Variants in FNDC3B observed in about 807,000 individuals in gnomAD.
FNDC3B encodes the protein fibronectin type III domain containing 3B.
Under a neutral mutation model 151.5 loss-of-function variants are expected in FNDC3B, and 12 were observed. That is an observed-to-expected ratio of 0.08 (90% confidence interval 0.05 to 0.13). The LOEUF (loss-of-function observed/expected upper bound fraction) is 0.13, where lower values mean the gene tolerates loss of function less well. Among genes scored for constraint, FNDC3B ranks in the 10% least tolerant of loss-of-function variants. FNDC3B has a pLI of 1.00. For synonymous variants in FNDC3B, 528 were observed against 549.0 expected (o/e 0.96, Z 0.54); for missense variants, 1,214 against 1,505.3 (o/e 0.81, Z 3.20).
chr3:172,378,428 C>T lies in FNDC3B; in HGVS notation c.3167C>T (p.Thr1056Ile). ...TFSTTKSVPP[T>I]IKAPRVTQLE... ...AGCACAACCAAAAGTGTCCCCCCCA[C>T]CATCAAAGGTGTGTAGACTATGTAT... Residue 1056 changes from threonine (T) to isoleucine (I), a missense_variant, in exon 24 of 26, where the codon ACC (threonine) becomes ATC (isoleucine). By Grantham distance (89) the Thr-to-Ile change is moderately conservative. This residue lies in a region of FNDC3B where 284 missense variants were observed against 392.4 expected (regional missense o/e 0.72). Transcript: ENST00000415807. 2 of 1,610,476 alleles carry T rather than the reference C, an allele frequency of 1.2e-6. No individual in the cohort carries two copies. Among genetic ancestry groups the T allele is most frequent in the Non-Finnish European group, 1.7e-6 (2 of 1,178,530 alleles).
At chr3:172,123,005 C>T (rs957474501) in intron 2 of FNDC3B, among the ~76,000 whole-genome samples, 2 of 152,132 alleles carry the variant, frequency 1.3e-5, no homozygotes, top group African/African-American at 2.4e-5. Context: ...GTGTTATTGA[C>T]CAATTATGTT....
At chr3:172,382,580 C>A (rs1209236387) in intron 25 of FNDC3B, among the ~76,000 whole-genome samples, 2 of 152,172 alleles carry the variant, frequency 1.3e-5, no homozygotes, top group African/African-American at 4.8e-5. Flanking sequence ...AGGTTTTCTT[C>A]TACGGTTTTT....
chr3:172,053,578 C>A (rs1210290431), intron 1 of FNDC3B, among the ~76,000 whole-genome samples: 20 of 152,226 alleles, frequency 1.3e-4, no homozygotes, highest in South Asian at 4.1e-4. Context: ...TTGAGACACA[C>A]CTGACCAACA....
intron 3 of FNDC3B, among the ~76,000 whole-genome samples, chr3:172,146,662 G>A (rs1005874380): frequency 1.3e-5 from 2 of 152,194 alleles, no homozygotes; most frequent in African/African-American, 2.4e-5. Context: ...ACCTGTGGCT[G>A]TTTATCAGGT....
rs192666370 is a variant in FNDC3B, at chr3:172,394,231, C to T, written c.3304-2933C>T. 3.9e-3 allele frequency among the ~76,000 whole-genome samples: 583 copies of T among 150,016 alleles called. 1 individual carries two copies. The highest frequency in any genetic ancestry group is 7.0e-3 in the Admixed American group (105 of 14,936). On this transcript the variant is annotated intron_variant, in intron 25 of 25. Transcript: ENST00000415807. Reference sequence around the variant, plus strand: ...GATCCCAACGTAACATTATACCTCACGGAACTGGGGGGAGGGAGAAACTAA... The same window carrying T: ...GATCCCAACGTAACATTATACCTCATGGAACTGGGGGGAGGGAGAAACTAA...
chr3:172,086,842 A>G (rs966462923), intron 1 of FNDC3B, among the ~76,000 whole-genome samples: 6 of 152,254 alleles, frequency 3.9e-5, no homozygotes, highest in Admixed American at 3.3e-4. Context: ...CTAGCTCTTC[A>G]ACTCAGAGTT....
At chr3:172,051,571 G>A (rs1716655581) in intron 1 of FNDC3B, among the ~76,000 whole-genome samples, 1 of 152,124 alleles carries the variant, frequency 6.6e-6, no homozygotes, top group Non-Finnish European at 1.5e-5. Context: ...TGGGAAGAGG[G>A]TGAGGGATAA....
chr3:172,174,942 C>CCCCCCCCCCA (rs1553769237), intron 3 of FNDC3B, among the ~76,000 whole-genome samples: 4 of 66,386 alleles, frequency 6.0e-5, no homozygotes, highest in Non-Finnish European at 1.6e-4. Flanking sequence ...CACCCCCCCC[C>CCCCCCCCCCA]CCCCAATACA....
chr3:172,074,334 G>T (rs1438584584), intron 1 of FNDC3B, among the ~76,000 whole-genome samples: 1 of 152,158 alleles, frequency 6.6e-6, no homozygotes, highest in African/African-American at 2.4e-5. Flanking sequence ...AGAAATGTGT[G>T]CTCACAAACA....
At chr3:172,105,619 T>TA (rs537392799) in intron 1 of FNDC3B, among the ~76,000 whole-genome samples, 2,522 of 127,180 alleles carry the variant, frequency 0.02, 61 homozygotes, top group African/African-American at 0.06. Context: ...ATTGTTTTCT[T>TA]AAAAAAAAAA....
At chr3:172,248,586 G>A (rs1332632652) in intron 5 of FNDC3B, among the ~76,000 whole-genome samples, 1 of 151,798 alleles carries the variant, frequency 6.6e-6, no homozygotes, top group Non-Finnish European at 1.5e-5. Context: ...GCATTTTACT[G>A]CTTCAGACAT....
chr3:172,375,848 TCC>T (rs1460013631), intron 23 of FNDC3B, among the ~76,000 whole-genome samples: 14 of 152,040 alleles, frequency 9.2e-5, no homozygotes, highest in Admixed American at 9.2e-4. Flanking sequence ...GTTCCCAAGT[TCC>T]TCTCCATGGG....
intron 23 of FNDC3B, 62 bp downstream of exon 23, chr3:172,362,907 C>A: frequency 7.7e-7 from 1 of 1,294,780 alleles, no homozygotes; most frequent in Non-Finnish European, 1.1e-6. Context: ...GATGAAATCT[C>A]AATTGTACAT....
At position 172,331,094 on chromosome 3, in the gene FNDC3B, T is replaced by C. The variant is rs183747271; in HGVS notation, c.1554+379T>C. On this transcript the variant is annotated intron_variant, in intron 13 of 25. Transcript: ENST00000415807. ...AATATTGTTATTGGATTATAGCCTC[T>C]TAATATTCCTAACTTCATCCTTACT... Among the ~76,000 whole-genome samples the C allele has an allele frequency of 1.2e-3, 188 of 152,340 alleles. 1 individual carries two copies. Among genetic ancestry groups the C allele is most frequent in the African/African-American group, 4.4e-3 (182 of 41,574 alleles).
intron 3 of FNDC3B, among the ~76,000 whole-genome samples, chr3:172,163,445 C>T (rs1018562919): frequency 3.3e-5 from 5 of 151,978 alleles, no homozygotes; most frequent in Non-Finnish European, 7.4e-5. Flanking sequence ...TGATGATTTT[C>T]CTTTTCTTTG....
intron 1 of FNDC3B, among the ~76,000 whole-genome samples, chr3:172,042,546 C>G (rs908569520): frequency 2.0e-5 from 3 of 152,184 alleles, no homozygotes; most frequent in Non-Finnish European, 2.9e-5. Flanking sequence ...TCTGGGATAT[C>G]TGATGTGTAC....
intron 14 of FNDC3B, among the ~76,000 whole-genome samples, chr3:172,333,385 G>A (rs1732778458): frequency 6.6e-6 from 1 of 151,792 alleles, no homozygotes; most frequent in Non-Finnish European, 1.5e-5. Context: ...GCAGTGGCAC[G>A]ATCTCGGCTC....
chr3:172,180,384 T>A (rs1397956686), intron 3 of FNDC3B, among the ~76,000 whole-genome samples: 6 of 152,232 alleles, frequency 3.9e-5, no homozygotes, highest in Admixed American at 2.6e-4. Flanking sequence ...AGAACATGAA[T>A]GATTCTCCTC....
chr3:172,186,196 A>T (rs1430118630), intron 3 of FNDC3B, among the ~76,000 whole-genome samples: 1 of 152,188 alleles, frequency 6.6e-6, no homozygotes, highest in East Asian at 1.9e-4. Flanking sequence ...TTCTCTTATG[A>T]TGCTCTGCCT....
Sources: gnomAD v4.1 joint callset for allele counts (sites outside exome capture counted in the v4.1 genomes callset) on GRCh38, gnomAD v4.1.1 for gene constraint, gnomAD v4.1.1 regional missense constraint, MANE v1.5 for transcripts, NCBI Gene and HGNC (gene_info 2026-07-23, HGNC 2026-07-21) for gene names.